SLC4A10: variants seen among roughly 807,000 people sequenced by gnomAD.
SLC4A10 encodes the protein solute carrier family 4 member 10.
SLC4A10 carries 42 observed loss-of-function variants against 137.7 expected under a neutral mutation model. That is an observed-to-expected ratio of 0.30 (90% CI 0.24 to 0.39). The LOEUF (loss-of-function observed/expected upper bound fraction) is 0.39, where lower values mean the gene tolerates loss of function less well. Among genes scored for constraint, SLC4A10 ranks in the 10% least tolerant of loss-of-function variants. SLC4A10 has a pLI of 1.00. For synonymous variants in SLC4A10, 474 were observed against 464.1 expected, an observed-to-expected ratio of 1.02 and a Z score of -0.27; for missense variants, 925 against 1,355.0, an observed-to-expected ratio of 0.68 and a Z score of 4.98.
At chr2:161,982,294 G>A (rs1290235079) in intron 26 of SLC4A10, among the ~76,000 whole-genome samples, 2 of 152,156 alleles carry the variant, frequency 1.3e-5, no homozygotes, top group African/African-American at 4.8e-5. Context: ...AAGTATCAGG[G>A]AGAAAGCATT....
At chr2:161,947,459 A>T in intron 16 of SLC4A10, 107 bp from the exon 17 acceptor site, 3 of 1,158,234 alleles carry the variant, frequency 2.6e-6, no homozygotes, top group Non-Finnish European at 3.5e-6. Context: ...GCCATAAAGG[A>T]AAAGCCTCAG....
intron 15 of SLC4A10, among the ~76,000 whole-genome samples, chr2:161,939,664 A>G (rs1692311147): frequency 6.6e-6 from 1 of 152,088 alleles, no homozygotes; most frequent in Non-Finnish European, 1.5e-5. Context: ...GGCTATTAAC[A>G]TATATTATTT....
intron 1 of SLC4A10, among the ~76,000 whole-genome samples, chr2:161,727,959 G>A (rs930934207): frequency 2.0e-5 from 3 of 152,054 alleles, no homozygotes; most frequent in African/African-American, 7.2e-5. Flanking sequence ...AAAAGACTGA[G>A]ATTAAAGAGA....
At chr2:161,981,190 T>C (rs1384837221) in intron 26 of SLC4A10, among the ~76,000 whole-genome samples, 1 of 152,268 alleles carries the variant, frequency 6.6e-6, no homozygotes, top group African/African-American at 2.4e-5. Flanking sequence ...TGACTAATAG[T>C]GCCACTTGGC....
At chr2:161,673,273 T>C (rs1256045502) in intron 1 of SLC4A10, among the ~76,000 whole-genome samples, 1 of 152,164 alleles carries the variant, frequency 6.6e-6, no homozygotes, top group African/African-American at 2.4e-5. Context: ...AGTCACACAA[T>C]GCATTCACTT....
intron 10 of SLC4A10, among the ~76,000 whole-genome samples, chr2:161,892,649 C>T (rs1319267564): frequency 6.6e-6 from 1 of 151,974 alleles, no homozygotes. Flanking sequence ...TATTTGAAAG[C>T]AGAATTTTCC....
chr2:161,857,604 A>C (rs2060178689), intron 5 of SLC4A10, among the ~76,000 whole-genome samples: 1 of 152,136 alleles, frequency 6.6e-6, no homozygotes, highest in Non-Finnish European at 1.5e-5. Context: ...AACTCATTAA[A>C]ATATTTTCTC....
chr2:161,697,190 T>C (rs185153408), intron 1 of SLC4A10, among the ~76,000 whole-genome samples: 3 of 151,346 alleles, frequency 2.0e-5, no homozygotes, highest in Admixed American at 6.5e-5. Flanking sequence ...GAATTCATTG[T>C]AGATTCTGGA....
intron 3 of SLC4A10, among the ~76,000 whole-genome samples, chr2:161,817,165 T>C (rs1236588142): frequency 1.3e-5 from 2 of 152,162 alleles, no homozygotes; most frequent in East Asian, 1.9e-4. Flanking sequence ...TTTTAATGAT[T>C]GCCATTCTAA....
chr2:161,766,779 A>T (rs2050846709), intron 1 of SLC4A10, among the ~76,000 whole-genome samples: 1 of 151,762 alleles, frequency 6.6e-6, no homozygotes, highest in African/African-American at 2.4e-5. Context: ...AGTCATTTTA[A>T]AAACTACTGA....
chr2:161,930,400 C>T (rs918719201), intron 15 of SLC4A10, among the ~76,000 whole-genome samples: 7 of 151,880 alleles, frequency 4.6e-5, no homozygotes, highest in African/African-American at 1.5e-4. Flanking sequence ...GTTATATGAC[C>T]GTTACTTTGT....
At chr2:161,898,839 C>T (rs1433231730) in intron 11 of SLC4A10, among the ~76,000 whole-genome samples, 1 of 152,120 alleles carries the variant, frequency 6.6e-6, no homozygotes, top group Non-Finnish European at 1.5e-5. Context: ...ACTGGTCTCA[C>T]ATAAATTCAT....
intron 2 of SLC4A10, among the ~76,000 whole-genome samples, chr2:161,784,753 A>G (rs1337374615): frequency 6.6e-6 from 1 of 151,678 alleles, no homozygotes; most frequent in East Asian, 1.9e-4. Context: ...CCAAAGCACT[A>G]TTAAAAGATA....
At chr2:161,730,017 A>G (rs537531400) in intron 1 of SLC4A10, among the ~76,000 whole-genome samples, 3 of 152,226 alleles carry the variant, frequency 2.0e-5, no homozygotes, top group Non-Finnish European at 4.4e-5. Flanking sequence ...AAACCCAAAC[A>G]GGCTAAAATG....
intron 20 of SLC4A10, among the ~76,000 whole-genome samples, chr2:161,957,764 T>G (rs1695924562): frequency 6.6e-6 from 1 of 152,140 alleles, no homozygotes; most frequent in South Asian, 2.1e-4. Flanking sequence ...ACACAAAACT[T>G]GAAATCTATT....
At chr2:161,903,537 C>G (rs150914462) in intron 12 of SLC4A10, among the ~76,000 whole-genome samples, 14 of 152,184 alleles carry the variant, frequency 9.2e-5, no homozygotes, top group Admixed American at 2.0e-4. Flanking sequence ...ATTGCTTTTT[C>G]TCTCTAGGGT....
intron 2 of SLC4A10, among the ~76,000 whole-genome samples, chr2:161,802,052 G>A (rs768073456): frequency 9.9e-5 from 15 of 151,898 alleles, no homozygotes; most frequent in Admixed American, 3.3e-4. Flanking sequence ...TTCCAAAATT[G>A]AGCCTTATTG....
At chr2:161,918,678 A>C (rs1285150744) in intron 15 of SLC4A10, among the ~76,000 whole-genome samples, 1 of 152,168 alleles carries the variant, frequency 6.6e-6, no homozygotes, top group Admixed American at 6.5e-5. Flanking sequence ...ATCACATTGA[A>C]GCCTACTTCA....
intron 15 of SLC4A10, among the ~76,000 whole-genome samples, chr2:161,929,789 C>T (rs74797791): frequency 0.064 from 9,673 of 152,066 alleles, 415 homozygotes; most frequent in Non-Finnish European, 0.099. Context: ...AGTTGGAAGC[C>T]CTGAACCTGA....
Sources: allele counts gnomAD v4.1 joint callset (sites outside exome capture counted in the v4.1 genomes callset), GRCh38; gene constraint gnomAD v4.1.1; transcripts MANE v1.5; gene names NCBI Gene and HGNC (gene_info 2026-07-23, HGNC 2026-07-21).